The following NUP214 variants were observed in gnomAD, a reference collection of about 807,000 sequenced individuals.
NUP214 encodes nucleoporin 214, also known as nuclear pore complex protein Nup214.
Under a neutral mutation model 196.2 loss-of-function variants are expected in NUP214, and 79 were observed. The ratio of observed to expected loss-of-function variants is 0.40; its 90% CI spans 0.34 to 0.49. The LOEUF (loss-of-function observed/expected upper bound fraction) is 0.49, where lower values mean the gene tolerates loss of function less well. NUP214 is among the 20% of genes least tolerant of loss of function. The probability of loss-of-function intolerance (pLI) is 0.58; values close to 1 mark genes in which losing one functional copy is unlikely to be tolerated. For synonymous variants in NUP214, 1,020 were observed against 990.5 expected (o/e 1.03, Z -0.56); for missense variants, 2,468 against 2,539.0 (o/e 0.97, Z 0.60).
At chr9:131,147,237 C>G (rs1378101894) in intron 13 of NUP214, among the ~76,000 whole-genome samples, 2 of 152,110 alleles carry the variant, frequency 1.3e-5, no homozygotes, top group Non-Finnish European at 2.9e-5. Context: ...ATCCTCCTGC[C>G]TCAGCCTCCC....
chr9:131,216,355 G>A (rs771878091), intron 31 of NUP214, among the ~76,000 whole-genome samples: 4 of 150,194 alleles, frequency 2.7e-5, no homozygotes, highest in Non-Finnish European at 5.9e-5. Context: ...GTCCTGAATA[G>A]CTGGGATTAC....
chr9:131,155,481 G>A (rs567113072), intron 17 of NUP214, among the ~76,000 whole-genome samples: 234 of 152,156 alleles, frequency 1.5e-3, no homozygotes, highest in Non-Finnish European at 2.6e-3. Context: ...CTGTGCAGAA[G>A]CTTAATTAAG....
intron 32 of NUP214, among the ~76,000 whole-genome samples, chr9:131,223,730 T>TATTTATTTATTTATTTATTTATTTTTTA (rs71372705): frequency 6.9e-5 from 1 of 14,424 alleles, no homozygotes; most frequent in African/African-American, 1.6e-4. Flanking sequence ...TTTATTTATT[T>TATTTATTTATTTATTTATTTATTTTTTA]TTTTTTTTTT....
At chr9:131,182,386 C>G (rs908331215) in intron 24 of NUP214, among the ~76,000 whole-genome samples, 1 of 152,270 alleles carries the variant, frequency 6.6e-6, no homozygotes, top group South Asian at 2.1e-4. Context: ...CCTGTCAGAT[C>G]AGCGGCAGCT....
At chr9:131,155,565 T>G (rs997641606) in intron 17 of NUP214, among the ~76,000 whole-genome samples, 1 of 152,228 alleles carries the variant, frequency 6.6e-6, no homozygotes, top group African/African-American at 2.4e-5. Flanking sequence ...AGTCAATGTC[T>G]GTAAGAGTTT....
chr9:131,165,113 T>G (rs1310077902), intron 21 of NUP214: 1 of 152,090 alleles, frequency 6.6e-6, no homozygotes, highest in African/African-American at 2.4e-5. Flanking sequence ...GGGAAAAATA[T>G]GGAAAGTATA....
At chr9:131,154,768 A>G (rs1216138852) in intron 17 of NUP214, among the ~76,000 whole-genome samples, 1 of 152,210 alleles carries the variant, frequency 6.6e-6, no homozygotes, top group Non-Finnish European at 1.5e-5. Flanking sequence ...CTCCAGCTCC[A>G]TCTAGGTTGC....
chr9:131,189,108 TATC>T lies in NUP214; in HGVS notation c.3555_3557del (p.Ser1186del). 1 of 1,614,100 alleles carries T rather than the reference TATC, an allele frequency of 6.2e-7. No homozygotes were observed. The highest frequency in any genetic ancestry group is 1.3e-5 in the African/African-American group (1 of 75,070). ...GGGCCTACACCAGCATCCGGTCAGT[TATC>T]ATCTGGTGACAAAGCTTCAGGTCAG... On this transcript the variant is annotated inframe_deletion, in exon 26 of 36. Transcript: ENST00000359428.
chr9:131,192,394 C>T, intron 27 of NUP214, 102 bp downstream of exon 27: 1 of 680,508 alleles, frequency 1.5e-6, no homozygotes, highest in Non-Finnish European at 2.5e-6. Flanking sequence ...GTGTATGAAC[C>T]CAGAGTTCTT....
intron 22 of NUP214, 84 bp from the exon 23 acceptor site, chr9:131,175,376 C>A: frequency 6.8e-7 from 1 of 1,479,794 alleles, no homozygotes; most frequent in Non-Finnish European, 9.3e-7. Flanking sequence ...TCCCTGCAGT[C>A]GAACATAAAG....
At position 131,150,765 on chromosome 9, in the gene NUP214, G is replaced by A; in HGVS notation, c.2277G>A (p.Glu759=). ...TTTTGGAGATTAAAGAGACCACAGA[G>A]GTTTGTGTTTATGGATACTTTTCCT... ...TFLLEIKETT[E]SLHGDISSLK... The change falls in exon 16 of 36, where the codon GAG becomes GAA. Residue 759 remains glutamate (E), a splice_region_variant and synonymous_variant. Transcript: ENST00000359428. 6.2e-7 allele frequency: 1 copy of A among 1,602,552 alleles called. No individual in the cohort carries two copies. The highest frequency in any genetic ancestry group is 1.1e-5 in the South Asian group (1 of 88,812).
chr9:131,176,758 A>T (rs1365753565), intron 23 of NUP214, among the ~76,000 whole-genome samples: 1 of 152,198 alleles, frequency 6.6e-6, no homozygotes, highest in African/African-American at 2.4e-5. Flanking sequence ...ACGTTAATGT[A>T]CATTGTACAT....
At chr9:131,132,181 G>T (rs1831573304) in intron 5 of NUP214, among the ~76,000 whole-genome samples, 1 of 135,124 alleles carries the variant, frequency 7.4e-6, no homozygotes, top group Non-Finnish European at 1.5e-5. Flanking sequence ...GTGCAATGAC[G>T]TGATTTCAGC....
intron 30 of NUP214, among the ~76,000 whole-genome samples, chr9:131,212,222 C>T (rs988827877): frequency 6.6e-6 from 1 of 152,190 alleles, no homozygotes; most frequent in Non-Finnish European, 1.5e-5. Flanking sequence ...TGCTCTCAAA[C>T]CCTGTCTCCT....
At chr9:131,131,124 A>C (rs1477613737) in intron 5 of NUP214, among the ~76,000 whole-genome samples, 1 of 152,200 alleles carries the variant, frequency 6.6e-6, no homozygotes, top group East Asian at 1.9e-4. Context: ...AAATGTGATC[A>C]TACGCTATGC....
At position 131,144,545 on chromosome 9, in the gene NUP214, C is replaced by T. The variant is rs1832024460; in HGVS notation, c.1560C>T (p.Phe520=). 1.2e-6 allele frequency: 2 copies of T among 1,614,178 alleles called. No individual in the cohort carries two copies. Among genetic ancestry groups the T allele is most frequent in the Non-Finnish European group, 1.7e-6 (2 of 1,180,026 alleles). ...CCCCAGGCCCTGGCCCATCAACCTT[C>T]TCTTTTGTTCCCCCTTCTAAAGCCT... ...KAAPGPGPST[F]SFVPPSKASL... Residue 520 remains phenylalanine (F), a synonymous_variant, in exon 12 of 36, where the codon TTC becomes TTT. Transcript: ENST00000359428.
intron 17 of NUP214, among the ~76,000 whole-genome samples, chr9:131,158,508 T>C (rs995377899): frequency 6.6e-6 from 1 of 152,240 alleles, no homozygotes; most frequent in African/African-American, 2.4e-5. Flanking sequence ...TAATGACAGA[T>C]TCAGTTTTTA....
chr9:131,220,126 A>T (rs570926204), intron 31 of NUP214, among the ~76,000 whole-genome samples: 1 of 152,230 alleles, frequency 6.6e-6, no homozygotes, highest in Admixed American at 6.5e-5. Flanking sequence ...TGGCACCCCT[A>T]AAGTGTCAGT....
chr9:131,177,128 A>G (rs765701181), intron 23 of NUP214, among the ~76,000 whole-genome samples: 114 of 152,326 alleles, frequency 7.5e-4, no homozygotes, highest in Non-Finnish European at 1.4e-3. Context: ...TAAAGACTAA[A>G]AAGACATAAT....
Sources: allele counts gnomAD v4.1 joint callset (sites outside exome capture counted in the v4.1 genomes callset), GRCh38; gene constraint gnomAD v4.1.1; transcripts MANE v1.5; gene names NCBI Gene and HGNC (gene_info 2026-07-23, HGNC 2026-07-21).